Variants in GLIS3 observed in about 807,000 individuals in gnomAD.
GLIS3 encodes the protein zinc finger protein GLIS3.
In GLIS3, 53 loss-of-function variants were observed where a neutral mutation model predicts 78.6. The ratio of observed to expected loss-of-function variants is 0.67; its 90% CI spans 0.54 to 0.85. The LOEUF (loss-of-function observed/expected upper bound fraction) is 0.85. GLIS3 is among the 40% of genes least tolerant of loss of function. GLIS3 has a pLI of 0.00. For missense variants in GLIS3, 1,703 were observed against 1,231.1 expected (o/e 1.38, Z -5.74); for synonymous variants, 684 against 509.9 (o/e 1.34, Z -4.60).
At chr9:4,331,535 T>A (rs1312178454) in intron 2 of GLIS3, among the ~76,000 whole-genome samples, 1 of 152,162 alleles carries the variant, frequency 6.6e-6, no homozygotes, top group Non-Finnish European at 1.5e-5. Context: ...GATTGGTCCG[T>A]TGAAGCAGAA....
intron 2 of GLIS3, among the ~76,000 whole-genome samples, chr9:4,233,493 T>C (rs1822454021): frequency 6.6e-6 from 1 of 152,230 alleles, no homozygotes. Context: ...GAAGGAAATC[T>C]TTCTTTTTTG....
At chr9:4,087,463 G>A (rs763880975) in intron 4 of GLIS3, among the ~76,000 whole-genome samples, 40 of 152,088 alleles carry the variant, frequency 2.6e-4, no homozygotes, top group African/African-American at 6.5e-4. Context: ...GAAAACAATC[G>A]GCAATTTCCT....
chr9:3,866,449 A>G (rs1820589878), intron 8 of GLIS3, among the ~76,000 whole-genome samples: 1 of 150,344 alleles, frequency 6.7e-6, no homozygotes, highest in African/African-American at 2.4e-5. Flanking sequence ...CAACAGAGCG[A>G]GACTGTCTCA....
At chr9:4,019,867 C>T (rs1822737707) in intron 4 of GLIS3, among the ~76,000 whole-genome samples, 1 of 152,070 alleles carries the variant, frequency 6.6e-6, no homozygotes, top group African/African-American at 2.4e-5. Flanking sequence ...CACGAGTCCC[C>T]CACAAGTAGC....
chr9:4,218,708 A>C (rs1821070936), intron 2 of GLIS3, among the ~76,000 whole-genome samples: 1 of 152,208 alleles, frequency 6.6e-6, no homozygotes, highest in African/African-American at 2.4e-5. Context: ...TTTTATGTTT[A>C]TTAATTTTGA....
chr9:4,347,751 G>T (rs191029405), intron 1 of GLIS3, among the ~76,000 whole-genome samples: 3 of 151,944 alleles, frequency 2.0e-5, no homozygotes, highest in African/African-American at 4.8e-5. Context: ...TTTTGGTGGG[G>T]GTTGGGGGAG....
chr9:4,118,672 A>G lies in GLIS3; in HGVS notation c.806T>C (p.Leu269Ser). The G allele has an allele frequency of 6.2e-7, 1 of 1,614,158 alleles. No homozygotes were observed. Among genetic ancestry groups the G allele is most frequent in the Non-Finnish European group, 8.5e-7 (1 of 1,180,014 alleles). ...TTCCGTGCCAAAAAGGTAGGATGGT[A>G]ATGAGTTAGAGACACTATTGCTGGA... ...SMSSNSVSNS[L>S]PSYLFGTESS... The change falls in exon 4 of 11, where the codon TTA becomes TCA. Residue 269 changes from leucine to serine, a missense_variant. Coordinates refer to ENST00000381971, the MANE Select transcript of GLIS3 (RefSeq NM_001042413.2). This position sits in a 1 kb window ranked among gnomAD's most constrained non-coding sequence, Gnocchi z 4.7.
At chr9:4,106,488 G>C (rs1230947139) in intron 4 of GLIS3, among the ~76,000 whole-genome samples, 1 of 152,102 alleles carries the variant, frequency 6.6e-6, no homozygotes, top group Non-Finnish European at 1.5e-5. Context: ...AATTTTGCAA[G>C]CTTAAACACA....
rs1750322657 is a variant in GLIS3 at position 3,827,237 on chromosome 9, C to T, written c.*1035G>A. 6.6e-6 allele frequency: 1 copy of T among 152,196 alleles called. No individual in the cohort carries two copies. The highest frequency in any genetic ancestry group is 1.5e-5 in the Non-Finnish European group (1 of 68,056). The allele number at this position is 152,196 out of a possible 1,614,324, so 9.4% of individuals were successfully genotyped here. On this transcript the variant is annotated 3_prime_UTR_variant, in exon 11 of 11. Coordinates refer to ENST00000381971, the MANE Select transcript of GLIS3 (RefSeq NM_001042413.2). ...GAAAAACGTTAGTAAAATCTGAGCA[C>T]TGGAAGTCAAGTATCACTAGGTTTG...
intron 4 of GLIS3, among the ~76,000 whole-genome samples, chr9:4,114,709 G>T (rs1457904706): frequency 6.6e-6 from 1 of 152,052 alleles, no homozygotes; most frequent in Non-Finnish European, 1.5e-5. Context: ...GTCTACAGAG[G>T]CCTTTACTTC....
At position 4,129,377 on chromosome 9, in the gene GLIS3, A is replaced by G. The variant is rs373673545; in HGVS notation, c.389-3436T>C. Reference sequence around the variant, plus strand: ...ATGGTTTGGATCTGTGTCCCCACCCAAAACTCACATTCAACTGTAATGACC... The same window carrying G: ...ATGGTTTGGATCTGTGTCCCCACCCGAAACTCACATTCAACTGTAATGACC... On this transcript the variant is annotated intron_variant, in intron 2 of 10. Coordinates refer to ENST00000381971, the MANE Select transcript of GLIS3 (RefSeq NM_001042413.2). Among the ~76,000 whole-genome samples, 6 of 152,342 alleles carry G rather than the reference A, an allele frequency of 3.9e-5. No individual in the cohort carries two copies. In the South Asian group the frequency reaches 1.0e-3, roughly 26 times the overall value.
chr9:4,290,203 C>T (rs1828332644), intron 1 of GLIS3, among the ~76,000 whole-genome samples: 2 of 152,040 alleles, frequency 1.3e-5, no homozygotes, highest in African/African-American at 4.8e-5. Context: ...AATTTTCATA[C>T]ATCATTTCAT....
upstream of GLIS3, among the ~76,000 whole-genome samples, chr9:4,350,414 A>G (rs1311278691): frequency 1.3e-5 from 2 of 152,210 alleles, no homozygotes; most frequent in Non-Finnish European, 2.9e-5. Context: ...CTCTATATGG[A>G]TAGAAACAAT....
chr9:3,861,622 C>A (rs1396065535), intron 8 of GLIS3, among the ~76,000 whole-genome samples: 4 of 152,262 alleles, frequency 2.6e-5, no homozygotes, highest in Middle Eastern at 6.8e-3. Flanking sequence ...GGAATGAGAT[C>A]ATGTAATTTG....
At chr9:4,343,687 G>C (rs534747008) in intron 2 of GLIS3, among the ~76,000 whole-genome samples, 21 of 152,294 alleles carry the variant, frequency 1.4e-4, no homozygotes, top group African/African-American at 4.8e-4. Context: ...CGGTGGACCG[G>C]ATAAAGAAAA....
chr9:4,040,850 GT>G (rs1824749897), intron 4 of GLIS3, among the ~76,000 whole-genome samples: 4 of 152,302 alleles, frequency 2.6e-5, no homozygotes, highest in African/African-American at 9.6e-5. Context: ...TGAAGTGAAG[GT>G]CATCAACAGT....
chr9:4,431,930 A>T, the GLIS3 span, among the ~76,000 whole-genome samples: 2 of 151,818 alleles, frequency 1.3e-5, no homozygotes, highest in Non-Finnish European at 2.9e-5. Context: ...TAACTCTGCC[A>T]CTGTAGCACA....
At chr9:4,405,625 A>C in the GLIS3 span, among the ~76,000 whole-genome samples, 30 of 152,310 alleles carry the variant, frequency 2.0e-4, no homozygotes, top group South Asian at 6.2e-3. Context: ...CAACGGCTTC[A>C]CTTCTAAACA....
At chr9:4,019,150 T>C (rs1419892629) in intron 4 of GLIS3, among the ~76,000 whole-genome samples, 2 of 152,178 alleles carry the variant, frequency 1.3e-5, no homozygotes, top group Non-Finnish European at 2.9e-5. Context: ...ATATAAAGAA[T>C]GTTCACTCTT....
Sources: gnomAD v4.1 joint callset for allele counts (sites outside exome capture counted in the v4.1 genomes callset) on GRCh38, gnomAD v4.1.1 for gene constraint, Gnocchi (gnomAD v3.1) non-coding constraint, MANE v1.5 for transcripts, NCBI Gene and HGNC (gene_info 2026-07-23, HGNC 2026-07-21) for gene names.